The following TRAK1 variants were observed in gnomAD, a reference collection of about 807,000 sequenced individuals.
The protein encoded by TRAK1 is trafficking kinesin protein 1.
A neutral mutation model predicts 92.1 loss-of-function variants in TRAK1; 33 were observed. The observed-to-expected ratio is 0.36, with a 90% CI of 0.27 to 0.48. The LOEUF is 0.48. Ranked by LOEUF, TRAK1 falls within the 20% of genes least tolerant of loss-of-function variation. The pLI is 0.99. For missense variants in TRAK1, 1,123 were observed against 1,257.9 expected (o/e 0.89, Z 1.62); for synonymous variants, 521 against 517.3 (o/e 1.01, Z -0.10).
chr3:42,040,413 A>G (rs371792331), intron 1 of TRAK1, among the ~76,000 whole-genome samples: 1 of 152,130 alleles, frequency 6.6e-6, no homozygotes, highest in East Asian at 1.9e-4. Context: ...TTTAGCTCTT[A>G]TATTCAGGTT....
At position 42,188,183 on chromosome 3, in the gene TRAK1, C is replaced by G. The variant is rs1180596253; in HGVS notation, c.581+38C>G. On this transcript the variant is annotated intron_variant, in intron 5 of 15. Transcript: ENST00000327628. Reference sequence around the variant, plus strand: ...AGGGCTGTATTTCTGGAGGCCAGAGCACAGGCTGGCCGCTGTTGATGTCCT... The same window carrying G: ...AGGGCTGTATTTCTGGAGGCCAGAGGACAGGCTGGCCGCTGTTGATGTCCT... The G allele has an allele frequency of 2.5e-6, 4 of 1,585,740 alleles. No homozygotes were observed. In the African/African-American group the frequency reaches 5.4e-5, roughly 21 times the overall value.
At chr3:42,021,610 T>C (rs947011630) in intron 1 of TRAK1, among the ~76,000 whole-genome samples, 1 of 152,188 alleles carries the variant, frequency 6.6e-6, no homozygotes, top group Admixed American at 6.5e-5. Context: ...GGAGTCTCAC[T>C]CTGTTGCCCA....
intron 13 of TRAK1, chr3:42,204,076 G>T (rs1708040180): frequency 1.0e-6 from 1 of 985,486 alleles, no homozygotes; most frequent in Non-Finnish European, 1.2e-6. Context: ...TTAGAGTTCA[G>T]AAAAGGTATA....
intron 2 of TRAK1, among the ~76,000 whole-genome samples, chr3:42,150,951 A>G (rs1191612523): frequency 2.6e-5 from 4 of 152,222 alleles, no homozygotes; most frequent in Admixed American, 6.5e-5. Flanking sequence ...CCTAACTCCA[A>G]AAGGAAATTC....
In TRAK1 at chr3:42,224,131, A is replaced by C. The variant is rs1710613427; in HGVS notation, c.*394A>C. ...CAGTGAATTCCGTGGCTGGCACACC[A>C]CGAGCTGTCACGCGGCACGGGTCAT... On this transcript the variant is annotated 3_prime_UTR_variant, in exon 16 of 16. Coordinates refer to ENST00000327628, the MANE Select transcript of TRAK1 (RefSeq NM_001042646.3). 2 of 460,726 alleles carry C rather than the reference A, an allele frequency of 4.3e-6. No individual in the cohort carries two copies. Among genetic ancestry groups the C allele is most frequent in the Non-Finnish European group, 8.7e-6 (2 of 230,290 alleles). 28.5% of individuals were successfully genotyped at this position (460,726 alleles called of 1,614,324 possible). A position where few individuals can be genotyped will look rare whatever the true frequency, so the allele number is the denominator to read the frequency against.
chr3:42,168,737 A>G (rs1702175507), intron 2 of TRAK1, among the ~76,000 whole-genome samples: 1 of 151,838 alleles, frequency 6.6e-6, no homozygotes, highest in East Asian at 1.9e-4. Flanking sequence ...ACATCTGGCT[A>G]ATGTTTTTAT....
At chr3:42,208,464 C>T (rs950112064) in intron 13 of TRAK1, among the ~76,000 whole-genome samples, 11 of 152,312 alleles carry the variant, frequency 7.2e-5, no homozygotes, top group Admixed American at 3.9e-4. Flanking sequence ...CTCACCCCAC[C>T]GCCTCCCACC....
intron 14 of TRAK1, among the ~76,000 whole-genome samples, chr3:42,216,311 C>T (rs2149530520): frequency 6.6e-6 from 1 of 152,302 alleles, no homozygotes. Context: ...AGGGCTCCCT[C>T]CTCACTGGCT....
intron 1 of TRAK1, among the ~76,000 whole-genome samples, chr3:42,025,626 G>C (rs1701884540): frequency 6.6e-6 from 1 of 151,948 alleles, no homozygotes; most frequent in African/African-American, 2.4e-5. Context: ...AAATGAGAAG[G>C]GGTGGTTTCT....
intron 1 of TRAK1, among the ~76,000 whole-genome samples, chr3:42,078,232 GC>G (rs1198878712): frequency 3.3e-5 from 5 of 152,100 alleles, no homozygotes. Flanking sequence ...AGAATCAAAG[GC>G]CCCTGTGGGA....
At chr3:42,219,891 G>A (rs1710172910) in intron 15 of TRAK1, among the ~76,000 whole-genome samples, 1 of 147,492 alleles carries the variant, frequency 6.8e-6, no homozygotes, top group Non-Finnish European at 1.5e-5. Context: ...CACCTCCTGG[G>A]TTCAAGCCCA....
In TRAK1 at chr3:42,146,701, T is replaced by C. The variant is rs566639694; in HGVS notation, c.286+21087T>C. On this transcript the variant is annotated intron_variant, in intron 2 of 15. Transcript: ENST00000327628. ...TCCCAAGTAGCTGGGTCTACAGGCATGTGCTACCACGTCTAGCTGGTTTTA... is the reference window on the plus strand; with the variant it reads ...TCCCAAGTAGCTGGGTCTACAGGCACGTGCTACCACGTCTAGCTGGTTTTA... 8.5e-5 allele frequency among the ~76,000 whole-genome samples: 13 copies of C among 152,294 alleles called. 1 individual carries two copies. In the South Asian group the frequency reaches 2.7e-3, roughly 32 times the overall value.
At chr3:42,113,719 G>C (rs1393890060) in intron 1 of TRAK1, among the ~76,000 whole-genome samples, 1 of 151,838 alleles carries the variant, frequency 6.6e-6, no homozygotes, top group Non-Finnish European at 1.5e-5. Context: ...CTGGCCAAAA[G>C]CACCGTTTTT....
intron 14 of TRAK1, among the ~76,000 whole-genome samples, chr3:42,214,621 T>C (rs1319165857): frequency 1.3e-5 from 2 of 152,204 alleles, no homozygotes; most frequent in African/African-American, 4.8e-5. Flanking sequence ...TGAAACAGGG[T>C]AGGCAACTTG....
chr3:42,222,351 C>T (rs1035255273), intron 15 of TRAK1, among the ~76,000 whole-genome samples: 1 of 152,140 alleles, frequency 6.6e-6, no homozygotes, highest in African/African-American at 2.4e-5. Flanking sequence ...GAGGAAAGGG[C>T]TCTGCACCCA....
chr3:42,056,885 T>A lies in TRAK1; in HGVS notation c.-518-30219T>A, dbSNP rs1000104787. Among the ~76,000 whole-genome samples, 11 of 152,332 alleles carry A rather than the reference T, an allele frequency of 7.2e-5. No homozygotes were observed. The South Asian group carries it at 2.3e-3, about 32-fold the overall frequency. Reference sequence around the variant, plus strand: ...TTTAGCTCAACATTTCTATTTCCAATATTAGGATTTTAAAAATAAAAATCT... The same window carrying A: ...TTTAGCTCAACATTTCTATTTCCAAAATTAGGATTTTAAAAATAAAAATCT... On this transcript the variant is annotated intron_variant, in intron 1 of 16. Coordinates refer to the TRAK1 transcript ENST00000487159.
rs182918999 is a variant in TRAK1 at position 42,163,667 on chromosome 3, G to A, written c.287-13147G>A. On this transcript the variant is annotated intron_variant, in intron 2 of 15. Coordinates refer to ENST00000327628, the MANE Select transcript of TRAK1 (RefSeq NM_001042646.3). The stretch of plus-strand genomic sequence containing the variant: ...GACCAAGCAAGCTGGGTTTTAACAC[G>A]CCCTCTGGGTGATTCCAATGCACAT... 1.8e-4 allele frequency among the ~76,000 whole-genome samples: 27 copies of A among 151,806 alleles called. No homozygotes were observed. The East Asian group carries it at 4.5e-3, about 25-fold the overall frequency.
At position 42,167,117 on chromosome 3, in the gene TRAK1, C is replaced by G. The variant is rs114636705; in HGVS notation, c.287-9697C>G. Among the ~76,000 whole-genome samples the G allele has an allele frequency of 5.4e-3, 827 of 152,322 alleles. 14 individuals carry two copies. The highest frequency in any genetic ancestry group is 0.019 in the African/African-American group (786 of 41,560). The stretch of plus-strand genomic sequence containing the variant: ...GTAAGAGGCGCTGGCTTATCATGCC[C>G]CCTCAGGCCTGTCTGGCGTTCAGAT... On this transcript the variant is annotated intron_variant, in intron 2 of 15. Coordinates refer to ENST00000327628, the MANE Select transcript of TRAK1 (RefSeq NM_001042646.3).
intron 1 of TRAK1, among the ~76,000 whole-genome samples, chr3:42,070,238 G>GAAT (rs35822803): frequency 0.54 from 78,332 of 144,390 alleles, 21,723 homozygotes; most frequent in South Asian, 0.68. Flanking sequence ...TAATAATTAT[G>GAAT]AATAATAATA....
Sources: gnomAD v4.1 joint callset for allele counts (sites outside exome capture counted in the v4.1 genomes callset) on GRCh38, gnomAD v4.1.1 for gene constraint, MANE v1.5 for transcripts, NCBI Gene and HGNC (gene_info 2026-07-23, HGNC 2026-07-21) for gene names.